Variants in RPRD2 observed in about 807,000 individuals in gnomAD.
The protein encoded by RPRD2 is regulation of nuclear pre-mRNA domain containing 2, also known as regulation of nuclear pre-mRNA domain-containing protein 2.
A neutral mutation model predicts 104.4 loss-of-function variants in RPRD2; 12 were observed. The observed-to-expected ratio is 0.11, with a 90% confidence interval of 0.07 to 0.19. RPRD2 has a LOEUF of 0.19. RPRD2 is among the 10% of genes least tolerant of loss of function. The probability of loss-of-function intolerance (pLI) is 1.00; values close to 1 mark genes in which losing one functional copy is unlikely to be tolerated. For missense variants in RPRD2, 1,543 were observed against 1,790.1 expected (o/e 0.86, Z 2.49); for synonymous variants, 714 against 684.9 (o/e 1.04, Z -0.66).
chr1:150,465,113 G>A (rs1668180677), intron 10 of RPRD2, among the ~76,000 whole-genome samples: 1 of 151,212 alleles, frequency 6.6e-6, no homozygotes. Context: ...CCAAAGTGCT[G>A]GGATTATAGG....
Position 150,472,691 on chromosome 1 carries a change from C to G in RPRD2, c.3743C>G (p.Ala1248Gly). ...VDLSNPFTKE[A>G]ALAHAAPPPP... The stretch of plus-strand genomic sequence containing the variant: ...CTTTCGAACCCCTTCACAAAGGAGG[C>G]AGCCCTGGCCCATGCTGCCCCACCC... The change falls in exon 11 of 11, where the codon GCA becomes GGA. Residue 1248 changes from alanine to glycine, a missense_variant. By Grantham distance (60) the Ala-to-Gly change is moderately conservative (BLOSUM62 0). This residue lies in a region of RPRD2 where 880 missense variants were observed against 885.6 expected (regional missense o/e 0.99). Transcript: ENST00000369068. 6.2e-7 allele frequency: 1 copy of G among 1,613,854 alleles called. No individual in the cohort carries two copies. Among genetic ancestry groups the G allele is most frequent in the South Asian group, 1.1e-5 (1 of 91,078 alleles).
At chr1:150,393,454 C>CAAAA (rs1203478537) in intron 1 of RPRD2, among the ~76,000 whole-genome samples, 2,288 of 59,458 alleles carry the variant, frequency 0.038, 90 homozygotes, top group African/African-American at 0.1. Context: ...GACCCTGTCT[C>CAAAA]AAAAAAAAAA....
chr1:150,391,629 C>T (rs1372187261), intron 1 of RPRD2, among the ~76,000 whole-genome samples: 3 of 152,216 alleles, frequency 2.0e-5, no homozygotes, highest in Non-Finnish European at 4.4e-5. Flanking sequence ...CAGGACAGGC[C>T]GGGATCAGTG....
At chr1:150,414,165 A>C (rs116183185) in intron 1 of RPRD2, among the ~76,000 whole-genome samples, 1 of 152,162 alleles carries the variant, frequency 6.6e-6, no homozygotes, top group African/African-American at 2.4e-5. Flanking sequence ...TCCAGGCTTG[A>C]TATCTACAGA....
At chr1:150,416,595 G>A (rs1260672108) in intron 1 of RPRD2, among the ~76,000 whole-genome samples, 2 of 152,074 alleles carry the variant, frequency 1.3e-5, no homozygotes, top group African/African-American at 4.8e-5. Context: ...CCGACTGGGT[G>A]TGGTGGCTCA....
intron 1 of RPRD2, among the ~76,000 whole-genome samples, chr1:150,380,136 T>C (rs1661018167): frequency 6.6e-6 from 1 of 152,248 alleles, no homozygotes; most frequent in Non-Finnish European, 1.5e-5. Flanking sequence ...ATTTATAGCA[T>C]CACTACCCAC....
chr1:150,472,898 T>C lies in RPRD2; in HGVS notation c.3950T>C (p.Val1317Ala), dbSNP rs1668690760. 1 of 1,612,566 alleles carries C rather than the reference T, an allele frequency of 6.2e-7. No individual in the cohort carries two copies. Among genetic ancestry groups the C allele is most frequent in the Non-Finnish European group, 8.5e-7 (1 of 1,179,396 alleles). Residue 1317 changes from valine (V) to alanine (A), a missense_variant, in exon 11 of 11, where the codon GTG (valine) becomes GCG (alanine). Physicochemically the swap from Val to Ala is moderately conservative, Grantham distance 64. Transcript: ENST00000369068. ...FPAPPLAEHG[V>A]AGAVAVFPKD... The stretch of plus-strand genomic sequence containing the variant: ...GCCCCACCACTGGCAGAGCACGGAG[T>C]GGCAGGGGCTGTGGCAGTATTTCCC...
chr1:150,473,022 C>T lies in RPRD2; in HGVS notation c.4074C>T (p.Asn1358=), dbSNP rs750157939. The change falls in exon 11 of 11, where the codon AAC becomes AAT. Residue 1358 remains asparagine (N), a synonymous_variant. Coordinates refer to ENST00000369068, the MANE Select transcript of RPRD2 (RefSeq NM_015203.5). The stretch of plus-strand genomic sequence containing the variant: ...GGGGCCCCACCCAACGGGACCTCAA[C>T]GGCCCTGGCCTTAGCCGTGTACGAG... ...DHGGPTQRDL[N]GPGLSRVRES... The T allele has an allele frequency of 9.9e-6, 16 of 1,613,908 alleles. No homozygotes were observed. The highest frequency in any genetic ancestry group is 8.8e-5 in the South Asian group (8 of 91,094).
In RPRD2 at chr1:150,472,906, G is replaced by A. The variant is rs1345182275; in HGVS notation, c.3958G>A (p.Ala1320Thr). ...PPLAEHGVAG[A>T]VAVFPKDHSS... ...ACTGGCAGAGCACGGAGTGGCAGGG[G>A]CTGTGGCAGTATTTCCCAAGGACCA... is the stretch of plus-strand genomic sequence containing the variant. The change falls in exon 11 of 11, where the codon GCT becomes ACT. Residue 1320 changes from alanine to threonine, a missense_variant. Physicochemically the swap from Ala to Thr is moderately conservative, Grantham distance 58. Around this residue, in one of 4 missense-constraint regions of RPRD2, gnomAD observed 880 missense variants for 885.6 expected, o/e 0.99. Transcript: ENST00000369068. The A allele has an allele frequency of 1.2e-6, 2 of 1,613,180 alleles. No individual in the cohort carries two copies. Among genetic ancestry groups the A allele is most frequent in the Non-Finnish European group, 1.7e-6 (2 of 1,179,616 alleles).
rs769187652 is a variant in RPRD2, at chr1:150,471,780, C to G, written c.2832C>G (p.His944Gln). The change falls in exon 11 of 11, where the codon CAC becomes CAG. Residue 944 changes from histidine to glutamine, a missense_variant. By Grantham distance (24) the His-to-Gln change is conservative. Transcript: ENST00000369068. The surrounding 1 kb of genome is among the most constrained non-coding windows in gnomAD (Gnocchi z 5.3). Reference protein sequence around the residue: ...NDSFFTPDSNHNSLSQSTTGH... With the variant: ...NDSFFTPDSNQNSLSQSTTGH... Reference sequence around the variant, plus strand: ...CATTTTTCACCCCTGACTCCAACCACAATAGCTTGTCTCAATCTACCACTG... The same window carrying G: ...CATTTTTCACCCCTGACTCCAACCAGAATAGCTTGTCTCAATCTACCACTG... The G allele has an allele frequency of 8.7e-6, 14 of 1,613,846 alleles. No individual in the cohort carries two copies. In the African/African-American group the frequency reaches 1.9e-4, roughly 22 times the overall value.
rs977339139 is a variant in RPRD2, at chr1:150,472,754, C to T, written c.3806C>T (p.Thr1269Ile). 1.2e-6 allele frequency: 2 copies of T among 1,612,200 alleles called. No homozygotes were observed. Among genetic ancestry groups the T allele is most frequent in the Non-Finnish European group, 1.7e-6 (2 of 1,178,414 alleles). Residue 1269 changes from threonine (T) to isoleucine (I), a missense_variant, in exon 11 of 11, where the codon ACC becomes ATC. Physicochemically the swap from Thr to Ile is moderately conservative, Grantham distance 89. This residue lies in a region of RPRD2 where 880 missense variants were observed against 885.6 expected (regional missense o/e 0.99). Coordinates refer to ENST00000369068, the MANE Select transcript of RPRD2 (RefSeq NM_015203.5). Reference protein sequence around the residue: ...PGEHSGIPFPTPPPPPPPGEH... With the variant: ...PGEHSGIPFPIPPPPPPPGEH... ...GAGCACAGTGGAATTCCTTTCCCTACCCCACCTCCTCCTCCCCCTCCTGGG... is the reference window on the plus strand; with the variant it reads ...GAGCACAGTGGAATTCCTTTCCCTATCCCACCTCCTCCTCCCCCTCCTGGG...
intron 7 of RPRD2, among the ~76,000 whole-genome samples, chr1:150,452,320 CAGAG>C (rs1373665447): frequency 6.6e-6 from 1 of 152,132 alleles, no homozygotes; most frequent in African/African-American, 2.4e-5. Context: ...TGCCCAGTGT[CAGAG>C]AGAGCACAGC....
intron 2 of RPRD2, among the ~76,000 whole-genome samples, chr1:150,427,949 A>G (rs1192480456): frequency 3.9e-5 from 6 of 152,208 alleles, no homozygotes; most frequent in African/African-American, 1.2e-4. Flanking sequence ...TTTGAAGAAA[A>G]TATAAATATT....
At chr1:150,459,857 G>A (rs1051849459) in intron 8 of RPRD2, among the ~76,000 whole-genome samples, 1 of 152,134 alleles carries the variant, frequency 6.6e-6, no homozygotes, top group Admixed American at 6.6e-5. Flanking sequence ...GCTGGAAATT[G>A]CTTTTAAGCA....
intron 1 of RPRD2, among the ~76,000 whole-genome samples, chr1:150,404,226 A>AT (rs1172746729): frequency 1.3e-5 from 2 of 152,098 alleles, no homozygotes; most frequent in African/African-American, 4.8e-5. Flanking sequence ...TAGGCTCAAA[A>AT]TTTTAAACAA....
chr1:150,407,366 G>A lies in RPRD2; in HGVS notation c.206-10230G>A, dbSNP rs782644556. On this transcript the variant is annotated intron_variant, in intron 1 of 10. Coordinates refer to ENST00000369068, the MANE Select transcript of RPRD2 (RefSeq NM_015203.5). ...AGCATCTCTGACTTCTATACATACA[G>A]CACCATTTGTTCAGTGTTTTCAGTT... is the stretch of plus-strand genomic sequence containing the variant. Among the ~76,000 whole-genome samples the A allele has an allele frequency of 9.2e-5, 14 of 152,226 alleles. 1 individual carries two copies. Among genetic ancestry groups the A allele is most frequent in the East Asian group, 3.9e-4 (2 of 5,184 alleles).
chr1:150,421,695 C>T (rs1354147831), intron 2 of RPRD2, among the ~76,000 whole-genome samples: 1 of 151,932 alleles, frequency 6.6e-6, no homozygotes, highest in East Asian at 1.9e-4. Flanking sequence ...AGCTTAATGC[C>T]AGGTGTGATG....
At chr1:150,455,629 T>TAA (rs59418711) in intron 7 of RPRD2, among the ~76,000 whole-genome samples, 98 of 141,212 alleles carry the variant, frequency 6.9e-4, no homozygotes, top group African/African-American at 2.4e-3. Flanking sequence ...GGACATTAGG[T>TAA]AAAAAAAAAA....
intron 2 of RPRD2, among the ~76,000 whole-genome samples, chr1:150,418,218 C>G (rs1553888992): frequency 6.6e-6 from 1 of 152,126 alleles, no homozygotes. Flanking sequence ...CCACCTGCTT[C>G]AGCCTCCCAA....
Sources: allele counts gnomAD v4.1 joint callset (sites outside exome capture counted in the v4.1 genomes callset), GRCh38; gene constraint gnomAD v4.1.1; regional missense constraint gnomAD v4.1.1; non-coding constraint Gnocchi (gnomAD v3.1); transcripts MANE v1.5; gene names NCBI Gene and HGNC (gene_info 2026-07-23, HGNC 2026-07-21).